The following ZNF202 variants were observed in gnomAD, a reference collection of about 807,000 sequenced individuals.
ZNF202 encodes the protein zinc finger protein with KRAB and SCAN domains 10.
Under a neutral mutation model 54.5 loss-of-function variants are expected in ZNF202, and 22 were observed. The ratio of observed to expected loss-of-function variants is 0.40; its 90% confidence interval spans 0.29 to 0.58. The LOEUF (loss-of-function observed/expected upper bound fraction) is 0.58, where lower values mean the gene tolerates loss of function less well. Ranked by LOEUF, ZNF202 falls within the 20% of genes least tolerant of loss-of-function variation. ZNF202 has a pLI of 0.39. For synonymous variants in ZNF202, 294 were observed against 301.4 expected (o/e 0.98, Z 0.26); for missense variants, 644 against 805.5 (o/e 0.80, Z 2.43).
Position 123,730,858 on chromosome 11 carries a change from C to T in ZNF202, c.31G>A (p.Asp11Asn). 1 of 1,614,132 alleles carries T rather than the reference C, an allele frequency of 6.2e-7. No individual in the cohort carries two copies. Among genetic ancestry groups the T allele is most frequent in the Non-Finnish European group, 8.5e-7 (1 of 1,179,970 alleles). Residue 11 changes from aspartate to asparagine, a missense_variant, in exon 4 of 9, where the codon GAT (aspartate) becomes AAT (asparagine). Asp to Asn is a conservative substitution (Grantham distance 23). Coordinates refer to ENST00000530393, the MANE Select transcript of ZNF202 (RefSeq NM_003455.4). The surrounding 1 kb of genome is among the most constrained non-coding windows in gnomAD (Gnocchi z 6.0). MATAVEPEDQ[D>N]LWEEEGILMV... ...AGAATTCCCTCTTCTTCCCAAAGATCCTGGTCCTCTGGTTCCACGGCTGTA... is the reference window on the plus strand; with the variant it reads ...AGAATTCCCTCTTCTTCCCAAAGATTCTGGTCCTCTGGTTCCACGGCTGTA...
At position 123,726,234 on chromosome 11, in the gene ZNF202, G is replaced by A. The variant is rs758315596; in HGVS notation, c.1710C>T (p.Cys570=). Residue 570 remains cysteine, a synonymous_variant, in exon 9 of 9, where the codon TGC becomes TGT. Coordinates refer to ENST00000530393, the MANE Select transcript of ZNF202 (RefSeq NM_003455.4). The surrounding 1 kb of genome is among the most constrained non-coding windows in gnomAD (Gnocchi z 6.0). ...AAEELYLCSE[C]GRCFTHSAAF... is the part of the protein sequence containing the mutation. ...CTGCGCTGTGGGTGAAGCAGCGCCC[G>A]CACTCGCTGCAGAGGTAGAGTTCCT... is the stretch of plus-strand genomic sequence containing the variant. 3.2e-5 allele frequency: 52 copies of A among 1,614,052 alleles called. No homozygotes were observed. The highest frequency in any genetic ancestry group is 5.0e-5 in the Admixed American group (3 of 60,008).
chr11:123,727,394 C>G, intron 8 of ZNF202, 82 bp downstream of exon 8: 1 of 1,576,576 alleles, frequency 6.3e-7, no homozygotes, highest in Non-Finnish European at 8.6e-7. Flanking sequence ...CTGATGAGAG[C>G]GGGGCCCTAC....
chr11:123,733,026 G>A (rs1399775006), intron 3 of ZNF202, among the ~76,000 whole-genome samples: 1 of 152,132 alleles, frequency 6.6e-6, no homozygotes, highest in East Asian at 1.9e-4. Flanking sequence ...AACAGGCACG[G>A]ATACATTGGA....
At chr11:123,727,429 G>A in intron 8 of ZNF202, 47 bp downstream of exon 8, 2 of 1,610,176 alleles carry the variant, frequency 1.2e-6, no homozygotes, top group Middle Eastern at 1.8e-4. Context: ...ACTGCCTAGA[G>A]GAACTGCTGG....
chr11:123,727,119 A>C (rs1322365930), intron 8 of ZNF202, 128 bp from the exon 9 acceptor site: 1 of 1,199,558 alleles, frequency 8.3e-7, no homozygotes, highest in African/African-American at 1.5e-5. Context: ...TGTGCCAAGC[A>C]CTTTCTCATA....
chr11:123,736,420 A>ACCTTAATG (rs1299931130), intron 3 of ZNF202, among the ~76,000 whole-genome samples: 1 of 152,164 alleles, frequency 6.6e-6, no homozygotes, highest in Non-Finnish European at 1.5e-5. Flanking sequence ...CTTATTTTAT[A>ACCTTAATG]CCTTAATGCA....
chr11:123,733,403 A>G (rs572954786), intron 3 of ZNF202, among the ~76,000 whole-genome samples: 1 of 151,778 alleles, frequency 6.6e-6, no homozygotes, highest in Non-Finnish European at 1.5e-5. Context: ...TGCTATCTCT[A>G]CCTCATGGTG....
chr11:123,727,582 G>A lies in ZNF202; in HGVS notation c.846C>T (p.Pro282=), dbSNP rs757176580. The change falls in exon 8 of 9, where the codon CCC becomes CCT. Residue 282 remains proline, a synonymous_variant. Coordinates refer to ENST00000530393, the MANE Select transcript of ZNF202 (RefSeq NM_003455.4). ...GIVVSLSFPI[P]RPDEISQVRE... is the part of the protein sequence containing the mutation. ...TAACCTGGGAGATCTCATCAGGTCT[G>A]GGGATTGGAAATGCTGCTCAAGAGA... 31 of 1,613,948 alleles carry A rather than the reference G, an allele frequency of 1.9e-5. No homozygotes were observed. The highest frequency in any genetic ancestry group is 2.6e-5 in the Non-Finnish European group (31 of 1,179,964).
rs1861071839 is a variant in ZNF202 at position 123,725,144 on chromosome 11, CAAT to C, written c.*850_*852del. The C allele has an allele frequency of 6.6e-6, 1 of 152,192 alleles. No homozygotes were observed. Among genetic ancestry groups the C allele is most frequent in the South Asian group, 2.1e-4 (1 of 4,830 alleles). 9.4% of individuals were successfully genotyped at this position (152,192 alleles called of 1,614,324 possible). A position where few individuals can be genotyped will look rare whatever the true frequency, so the allele number is the denominator to read the frequency against. ...CATTATGACCGAATTATGCTTTACT[CAAT>C]AAGCACTCAAACACTACCATCTCAC... On this transcript the variant is annotated 3_prime_UTR_variant, in exon 9 of 9. Coordinates refer to ENST00000530393, the MANE Select transcript of ZNF202 (RefSeq NM_003455.4).
intron 3 of ZNF202, among the ~76,000 whole-genome samples, chr11:123,736,669 G>A (rs937315089): frequency 1.3e-5 from 2 of 152,160 alleles, no homozygotes; most frequent in African/African-American, 4.8e-5. Context: ...TCCACATAAT[G>A]GTTAGTGGCC....
In ZNF202 at chr11:123,726,133, C is replaced by T. The variant is rs778820406; in HGVS notation, c.1811G>A (p.Arg604His). The T allele has an allele frequency of 5.6e-6, 9 of 1,614,110 alleles. No individual in the cohort carries two copies. The highest frequency in any genetic ancestry group is 2.2e-5 in the South Asian group (2 of 91,088). ...CTGATGCCTGACGAGGTGGTCCCTGCGACTGAAGCTCTTCCCACATTCGTT... is the reference window on the plus strand; with the variant it reads ...CTGATGCCTGACGAGGTGGTCCCTGTGACTGAAGCTCTTCCCACATTCGTT... ...RCNECGKSFSRRDHLVRHQRT... is the reference protein window; with the variant it reads ...RCNECGKSFSHRDHLVRHQRT... The change falls in exon 9 of 9, where the codon CGC becomes CAC. Residue 604 changes from arginine to histidine, a missense_variant. Physicochemically the swap from Arg to His is conservative, Grantham distance 29. This residue lies in a region of ZNF202 where 536 missense variants were observed against 635.3 expected (regional missense o/e 0.84). Coordinates refer to ENST00000530393, the MANE Select transcript of ZNF202 (RefSeq NM_003455.4). This position sits in a 1 kb window ranked among gnomAD's most constrained non-coding sequence, Gnocchi z 6.0.
Position 123,730,721 on chromosome 11 carries a change from C to T in ZNF202, c.168G>A (p.Glu56=), listed in dbSNP as rs2137334308. The T allele has an allele frequency of 1.2e-6, 2 of 1,614,258 alleles. No homozygotes were observed. Among genetic ancestry groups the T allele is most frequent in the Non-Finnish European group, 1.7e-6 (2 of 1,180,050 alleles). Residue 56 remains glutamate (E), a synonymous_variant, in exon 4 of 9, where the codon GAG becomes GAA. Coordinates refer to ENST00000530393, the MANE Select transcript of ZNF202 (RefSeq NM_003455.4). The surrounding 1 kb of genome is among the most constrained non-coding windows in gnomAD (Gnocchi z 6.0). ...HQNFRRFRYQ[E]AASPREALIR... ...TGAGAGCTTCTCTAGGGCTTGCTGC[C>T]TCCTGGTAGCGGAAGCGTCGGAAGT... is the stretch of plus-strand genomic sequence containing the variant.
intron 3 of ZNF202, among the ~76,000 whole-genome samples, chr11:123,736,483 C>T (rs950565495): frequency 6.6e-6 from 1 of 152,210 alleles, no homozygotes; most frequent in African/African-American, 2.4e-5. Context: ...TAACCAGGGC[C>T]TGTCAACAGC....
chr11:123,730,922 A>G lies in ZNF202; in HGVS notation c.-34T>C. ...TTTGGGGTGGTCTCACACCATCTAGAGCTCACACTGTCATTAGCCCCCCGC... is the reference window on the plus strand; with the variant it reads ...TTTGGGGTGGTCTCACACCATCTAGGGCTCACACTGTCATTAGCCCCCCGC... On this transcript the variant is annotated 5_prime_UTR_variant, in exon 4 of 9. Transcript: ENST00000530393. The surrounding 1 kb of genome is among the most constrained non-coding windows in gnomAD (Gnocchi z 6.0). 1 of 1,585,946 alleles carries G rather than the reference A, an allele frequency of 6.3e-7. No individual in the cohort carries two copies. Among genetic ancestry groups the G allele is most frequent in the African/African-American group, 1.3e-5 (1 of 74,184 alleles).
At chr11:123,729,466 A>G in intron 5 of ZNF202, 149 bp downstream of exon 5, 1 of 1,042,390 alleles carries the variant, frequency 9.6e-7, no homozygotes, top group South Asian at 1.7e-5. Context: ...AGCTGGCGGT[A>G]CTGTCTCCTC....
Position 123,726,983 on chromosome 11 carries a change from T to C in ZNF202, c.961A>G (p.Ser321Gly). The C allele has an allele frequency of 3.1e-6, 5 of 1,610,944 alleles. No homozygotes were observed. Among genetic ancestry groups the C allele is most frequent in the Non-Finnish European group, 4.2e-6 (5 of 1,178,828 alleles). Residue 321 changes from serine (S) to glycine (G), a missense_variant, in exon 9 of 9, where the codon AGT (serine) becomes GGT (glycine). Transcript: ENST00000530393. The surrounding 1 kb of genome is among the most constrained non-coding windows in gnomAD (Gnocchi z 6.0). ...ILSFTYTGDR[S>G]KDEEECLEQE... ...TCCAGACACTCTTCCTCATCTTTAC[T>C]CCTATCTCCTGTAGAAAGGGTGAGA...
At chr11:123,732,333 C>A (rs1197896153) in intron 3 of ZNF202, among the ~76,000 whole-genome samples, 1 of 152,200 alleles carries the variant, frequency 6.6e-6, no homozygotes, top group African/African-American at 2.4e-5. Flanking sequence ...ATACAAACTT[C>A]AAACATTCTA....
chr11:123,726,514 A>C lies in ZNF202; in HGVS notation c.1430T>G (p.Val477Gly). Residue 477 changes from valine (V) to glycine (G), a missense_variant, in exon 9 of 9, where the codon GTG becomes GGG. Around this residue, in one of 3 missense-constraint regions of ZNF202, gnomAD observed 536 missense variants for 635.3 expected, o/e 0.84. Coordinates refer to ENST00000530393, the MANE Select transcript of ZNF202 (RefSeq NM_003455.4). This position sits in a 1 kb window ranked among gnomAD's most constrained non-coding sequence, Gnocchi z 6.0. ...ATCATCACATCTATAGGGTTTCTCC[A>C]CTGATGGAGTTCTCTCAGCCTGTGT... The part of the protein sequence containing the change: ...PVTQAERTPS[V>G]EKPYRCDDCG... 6.2e-7 allele frequency: 1 copy of C among 1,614,172 alleles called. No homozygotes were observed. The highest frequency in any genetic ancestry group is 8.5e-7 in the Non-Finnish European group (1 of 1,180,004).
At position 123,726,739 on chromosome 11, in the gene ZNF202, C is replaced by T; in HGVS notation, c.1205G>A (p.Cys402Tyr). Residue 402 changes from cysteine (C) to tyrosine (Y), a missense_variant, in exon 9 of 9, where the codon TGT becomes TAT. Around this residue, in one of 3 missense-constraint regions of ZNF202, gnomAD observed 536 missense variants for 635.3 expected, o/e 0.84. Transcript: ENST00000530393. This position sits in a 1 kb window ranked among gnomAD's most constrained non-coding sequence, Gnocchi z 6.0. ...GGAGTTACAAGTGAAGCTCTTTCCACACACAGAACAGTCATGATGCCTCCC... is the reference window on the plus strand; with the variant it reads ...GGAGTTACAAGTGAAGCTCTTTCCATACACAGAACAGTCATGATGCCTCCC... ...LLGRHHDCSV[C>Y]GKSFTCNSHL... 1 of 1,614,222 alleles carries T rather than the reference C, an allele frequency of 6.2e-7. No homozygotes were observed. The highest frequency in any genetic ancestry group is 8.5e-7 in the Non-Finnish European group (1 of 1,180,038).
Sources: gnomAD v4.1 joint callset for allele counts (sites outside exome capture counted in the v4.1 genomes callset) on GRCh38, gnomAD v4.1.1 for gene constraint, gnomAD v4.1.1 regional missense constraint, Gnocchi (gnomAD v3.1) non-coding constraint, MANE v1.5 for transcripts, NCBI Gene and HGNC (gene_info 2026-07-23, HGNC 2026-07-21) for gene names.